NRG1: variants seen among roughly 807,000 people sequenced by gnomAD.
The protein encoded by NRG1 is pro-neuregulin-1, membrane-bound isoform.
Under a neutral mutation model 63.8 loss-of-function variants are expected in NRG1, and 18 were observed. That is an observed-to-expected ratio of 0.28 (90% CI 0.19 to 0.42). The LOEUF is 0.42. Ranked by LOEUF, NRG1 falls within the 10% of genes least tolerant of loss-of-function variation. The probability of loss-of-function intolerance (pLI) is 1.00; values close to 1 mark genes in which losing one functional copy is unlikely to be tolerated. For synonymous variants in NRG1, 302 were observed against 301.3 expected (o/e 1.00, Z -0.02); for missense variants, 762 against 814.7 (o/e 0.94, Z 0.79).
At chr8:32,760,993 C>CCAAGAGATT in intron 11 of NRG1, 1 of 986,008 alleles carries the variant, frequency 1.0e-6, no homozygotes, top group Non-Finnish European at 1.2e-6. Context: ...GATGCTGCGT[C>CCAAGAGATT]TGGCAGTCTT....
intron 1 of NRG1, among the ~76,000 whole-genome samples, chr8:32,178,738 G>C (rs1841083003): frequency 6.6e-6 from 1 of 152,134 alleles, no homozygotes; most frequent in Admixed American, 6.5e-5. Flanking sequence ...TGGTGGCATT[G>C]GTAGTAAGAG....
intron 1 of NRG1, among the ~76,000 whole-genome samples, chr8:31,951,839 G>A (rs1803514497): frequency 6.6e-6 from 1 of 152,130 alleles, no homozygotes; most frequent in African/African-American, 2.4e-5. Flanking sequence ...TCAAAAGCAT[G>A]ACATGACATA....
At chr8:31,744,333 A>G (rs1815634128) in intron 1 of NRG1, among the ~76,000 whole-genome samples, 1 of 152,066 alleles carries the variant, frequency 6.6e-6, no homozygotes, top group African/African-American at 2.4e-5. Flanking sequence ...GTGCCAGTAT[A>G]CATGAAAATG....
intron 5 of NRG1, among the ~76,000 whole-genome samples, chr8:32,635,112 A>C (rs1035230226): frequency 3.9e-5 from 6 of 152,188 alleles, no homozygotes. Flanking sequence ...CCACTCTAAA[A>C]ATTCAAATCA....
Position 32,200,005 on chromosome 8 carries a change from C to G in NRG1, c.38-395823C>G, listed in dbSNP as rs951099399. ...TGTTGGCCAGGCTGGTCTCAAACTC[C>G]TGACCTCAGATGATCTGCCCGTCTC... is the stretch of plus-strand genomic sequence containing the variant. On this transcript the variant is annotated intron_variant, in intron 1 of 10. Transcript: ENST00000519301. 1.4e-4 allele frequency among the ~76,000 whole-genome samples: 22 copies of G among 152,152 alleles called. No homozygotes were observed. In the East Asian group the frequency reaches 2.3e-3, roughly 16 times the overall value.
chr8:32,128,259 G>A (rs1834362968), intron 1 of NRG1, among the ~76,000 whole-genome samples: 1 of 151,944 alleles, frequency 6.6e-6, no homozygotes, highest in Non-Finnish European at 1.5e-5. Context: ...AGCTGTTGGA[G>A]ATTGAGCTTT....
chr8:32,107,901 A>C (rs1295385574), intron 1 of NRG1, among the ~76,000 whole-genome samples: 1 of 152,208 alleles, frequency 6.6e-6, no homozygotes, highest in East Asian at 1.9e-4. Flanking sequence ...AAATCAGCTT[A>C]ATTAGCTATG....
chr8:32,017,395 C>T (rs1026741724), intron 1 of NRG1, among the ~76,000 whole-genome samples: 8 of 152,158 alleles, frequency 5.3e-5, no homozygotes, highest in Non-Finnish European at 4.4e-5. Context: ...AGCAGCTTCT[C>T]CACACCAACA....
At chr8:32,722,076 A>T (rs1564027525) in intron 5 of NRG1, 5 of 1,465,838 alleles carry the variant, frequency 3.4e-6, no homozygotes, top group Non-Finnish European at 3.7e-6. Context: ...TTTTGTAGTG[A>T]CTAGCAGTTT....
chr8:32,275,450 G>A (rs1851992954), intron 1 of NRG1, among the ~76,000 whole-genome samples: 2 of 152,134 alleles, frequency 1.3e-5, no homozygotes, highest in South Asian at 4.1e-4. Flanking sequence ...GGACAGGACA[G>A]GGTTGGCAGC....
chr8:31,669,540 T>C (rs1407869258), intron 1 of NRG1, among the ~76,000 whole-genome samples: 1 of 152,082 alleles, frequency 6.6e-6, no homozygotes, highest in African/African-American at 2.4e-5. Flanking sequence ...CACTCAGCCT[T>C]ATACAATATT....
rs147392669 is a variant in NRG1, at chr8:32,168,514, G to C, written c.38-427314G>C. On this transcript the variant is annotated intron_variant, in intron 1 of 10. Coordinates refer to the NRG1 transcript ENST00000519301. Reference sequence around the variant, plus strand: ...GAGCTGGCATATGCATGGAAGTGAAGGTCTTGTTGCTGGTTGAATTTAGTG... The same window carrying C: ...GAGCTGGCATATGCATGGAAGTGAACGTCTTGTTGCTGGTTGAATTTAGTG... 2.4e-4 allele frequency among the ~76,000 whole-genome samples: 36 copies of C among 152,280 alleles called. No individual in the cohort carries two copies. The East Asian group carries it at 6.6e-3, about 28-fold the overall frequency.
chr8:31,743,988 G>A (rs879241181), intron 1 of NRG1, among the ~76,000 whole-genome samples: 1 of 151,972 alleles, frequency 6.6e-6, no homozygotes, highest in Non-Finnish European at 1.5e-5. Context: ...ATGTGAACAT[G>A]CAAATTAACT....
At chr8:31,942,704 C>T (rs1563596850) in intron 1 of NRG1, among the ~76,000 whole-genome samples, 2 of 151,894 alleles carry the variant, frequency 1.3e-5, no homozygotes, top group South Asian at 2.1e-4. Context: ...TAAAGACAAA[C>T]AATCTCATCA....
At chr8:32,044,119 A>C (rs1418377202) in intron 1 of NRG1, among the ~76,000 whole-genome samples, 1 of 151,980 alleles carries the variant, frequency 6.6e-6, no homozygotes, top group Non-Finnish European at 1.5e-5. Flanking sequence ...ACTATAAACC[A>C]TGCAAACATT....
chr8:32,635,875 C>A (rs912239100), intron 5 of NRG1, among the ~76,000 whole-genome samples: 1 of 152,038 alleles, frequency 6.6e-6, no homozygotes, highest in African/African-American at 2.4e-5. Flanking sequence ...TTCTTTGAAT[C>A]TTTTTTAGGG....
At chr8:31,744,445 T>C (rs1563351787) in intron 1 of NRG1, among the ~76,000 whole-genome samples, 1 of 152,028 alleles carries the variant, frequency 6.6e-6, no homozygotes, top group Non-Finnish European at 1.5e-5. Context: ...CTGGTTTCTG[T>C]ATTTTCACTG....
chr8:32,647,589 T>C, intron 5 of NRG1: 1 of 1,399,968 alleles, frequency 7.1e-7, no homozygotes. Flanking sequence ...CTTCTTGATT[T>C]TAATAATGGC....
chr8:32,267,140 GGAAGGAAGGAGAAA>G (rs1179856353), intron 1 of NRG1, among the ~76,000 whole-genome samples: 79 of 147,768 alleles, frequency 5.3e-4, no homozygotes, highest in Middle Eastern at 3.5e-3. Flanking sequence ...GGAGAAAGAA[GGAAGGAAGGAGAAA>G]GAAGGAAGGA....
Sources: gnomAD v4.1 joint callset for allele counts (sites outside exome capture counted in the v4.1 genomes callset) on GRCh38, gnomAD v4.1.1 for gene constraint, MANE v1.5 for transcripts, NCBI Gene and HGNC (gene_info 2026-07-23, HGNC 2026-07-21) for gene names.